CPXM2: variants seen among roughly 807,000 people sequenced by gnomAD.
The protein encoded by CPXM2 is inactive carboxypeptidase-like protein X2.
A neutral mutation model predicts 86.1 loss-of-function variants in CPXM2; 66 were observed. The observed-to-expected ratio is 0.77, with a 90% CI of 0.63 to 0.94. The LOEUF (loss-of-function observed/expected upper bound fraction) is 0.94, where lower values mean the gene tolerates loss of function less well. CPXM2 is among the 40% of genes least tolerant of loss of function. CPXM2 has a pLI of 0.00. For missense variants in CPXM2, 948 were observed against 1,026.3 expected (o/e 0.92, Z 1.04); for synonymous variants, 388 against 400.2 (o/e 0.97, Z 0.36).
intron 13 of CPXM2, chr10:123,750,213 G>C: frequency 1.0e-6 from 1 of 985,300 alleles, no homozygotes; most frequent in Non-Finnish European, 1.2e-6. Flanking sequence ...TCTAATTTTT[G>C]AGGAGAAATA....
intron 7 of CPXM2, among the ~76,000 whole-genome samples, chr10:123,775,658 C>T (rs889783435): frequency 2.0e-5 from 3 of 152,238 alleles, no homozygotes; most frequent in South Asian, 2.1e-4. Flanking sequence ...CACTTTCCCA[C>T]CGATGGCAAA....
intron 4 of CPXM2, among the ~76,000 whole-genome samples, chr10:123,805,740 G>C (rs1194588567): frequency 1.3e-5 from 2 of 151,216 alleles, no homozygotes; most frequent in African/African-American, 4.8e-5. Context: ...CCAATATTAA[G>C]ATTGGAAAAA....
intron 2 of CPXM2, among the ~76,000 whole-genome samples, chr10:123,936,358 G>A (rs1945720515): frequency 6.6e-6 from 1 of 152,212 alleles, no homozygotes; most frequent in Non-Finnish European, 1.5e-5. Context: ...AGGCAGATAA[G>A]TCAGGAGCTG....
rs553749901 is a variant in CPXM2 at position 123,857,922 on chromosome 10, T to C, written c.513+4692A>G. Among the ~76,000 whole-genome samples, 7 of 151,548 alleles carry C rather than the reference T, an allele frequency of 4.6e-5. No homozygotes were observed. The East Asian group carries it at 1.2e-3, about 26-fold the overall frequency. On this transcript the variant is annotated intron_variant, in intron 3 of 13. Coordinates refer to ENST00000241305, the MANE Select transcript of CPXM2 (RefSeq NM_198148.3). ...CACTCTGTGGTCAGGTGCTGATACTTGGTCCCACAGCCCATTCATAGACTT... is the reference window on the plus strand; with the variant it reads ...CACTCTGTGGTCAGGTGCTGATACTCGGTCCCACAGCCCATTCATAGACTT...
chr10:123,880,390 C>G (rs1945063580), intron 1 of CPXM2, 81 bp from the exon 2 acceptor site: 2 of 727,780 alleles, frequency 2.7e-6, no homozygotes, highest in Admixed American at 3.8e-5. Flanking sequence ...CTGTCCTCTC[C>G]TGCACAGCAG....
At chr10:123,892,457 C>T (rs150455705), upstream of CPXM2, among the ~76,000 whole-genome samples, 249 of 152,274 alleles carry the variant, frequency 1.6e-3, 2 homozygotes, top group African/African-American at 5.6e-3. Flanking sequence ...CCCAGAGGGT[C>T]CTTTGAGAAA....
At chr10:123,864,551 C>A (rs1333228836) in intron 2 of CPXM2, among the ~76,000 whole-genome samples, 1 of 152,192 alleles carries the variant, frequency 6.6e-6, no homozygotes, top group Non-Finnish European at 1.5e-5. Context: ...GTGTTGAAGG[C>A]CTTCCAACCA....
At chr10:123,858,468 A>G (rs541500845) in intron 3 of CPXM2, among the ~76,000 whole-genome samples, 3 of 152,366 alleles carry the variant, frequency 2.0e-5, no homozygotes, top group Non-Finnish European at 4.4e-5. Context: ...TTGGACCTAT[A>G]CCACTTCTAT....
chr10:123,833,042 G>C (rs765879210), intron 4 of CPXM2, among the ~76,000 whole-genome samples: 7 of 152,178 alleles, frequency 4.6e-5, no homozygotes, highest in Non-Finnish European at 8.8e-5. Context: ...CATGGAACCT[G>C]CCAGCACTTC....
rs540537510 is a variant in CPXM2, at chr10:123,909,925, G to A, written n.174+29552C>T. ...ATTTAGTCCCTCCATGCTGATGCAC[G>A]TGGAAACAAAGATGCCCTCGAGAGA... On this transcript the variant is annotated intron_variant and non_coding_transcript_variant, in intron 2 of 19. Transcript: ENST00000368854. Among the ~76,000 whole-genome samples the A allele has an allele frequency of 3.3e-5, 5 of 152,286 alleles. No individual in the cohort carries two copies. In the South Asian group the frequency reaches 8.3e-4, roughly 25 times the overall value.
intron 2 of CPXM2, among the ~76,000 whole-genome samples, chr10:123,907,432 G>A (rs571763364): frequency 2.0e-5 from 3 of 152,256 alleles, no homozygotes; most frequent in East Asian, 1.9e-4. Context: ...ACAGAGAAGC[G>A]GCATCGCTGG....
At chr10:123,875,390 C>A (rs1439716014) in intron 2 of CPXM2, among the ~76,000 whole-genome samples, 1 of 152,194 alleles carries the variant, frequency 6.6e-6, no homozygotes, top group African/African-American at 2.4e-5. Flanking sequence ...CCCTCACCTC[C>A]CCTGTCACTC....
At chr10:123,830,707 C>T (rs1369264770) in intron 4 of CPXM2, among the ~76,000 whole-genome samples, 1 of 152,086 alleles carries the variant, frequency 6.6e-6, no homozygotes, top group African/African-American at 2.4e-5. Flanking sequence ...CAAATTATAA[C>T]TTTGGGCAGG....
intron 11 of CPXM2, among the ~76,000 whole-genome samples, chr10:123,759,162 G>A (rs962319838): frequency 3.3e-5 from 5 of 152,114 alleles, no homozygotes; most frequent in South Asian, 4.1e-4. Context: ...CATGGGCCCC[G>A]GTCTCATTGA....
intron 6 of CPXM2, among the ~76,000 whole-genome samples, chr10:123,785,157 C>G (rs1326155495): frequency 6.6e-6 from 1 of 152,078 alleles, no homozygotes; most frequent in Non-Finnish European, 1.5e-5. Flanking sequence ...TTGCTTCATT[C>G]TTTCCTTGCT....
At chr10:123,837,406 T>C (rs927978930) in intron 4 of CPXM2, among the ~76,000 whole-genome samples, 1 of 152,236 alleles carries the variant, frequency 6.6e-6, no homozygotes, top group Non-Finnish European at 1.5e-5. Flanking sequence ...CTTCAAGATA[T>C]ACAGAGAATC....
chr10:123,890,333 G>C (rs910403623), intron 1 of CPXM2, among the ~76,000 whole-genome samples: 5 of 152,208 alleles, frequency 3.3e-5, no homozygotes, highest in Non-Finnish European at 5.9e-5. Context: ...TCTGCAAAGG[G>C]GGGTGCTCAT....
At chr10:123,822,382 A>C (rs1262481875) in intron 4 of CPXM2, among the ~76,000 whole-genome samples, 1 of 152,196 alleles carries the variant, frequency 6.6e-6, no homozygotes, top group Non-Finnish European at 1.5e-5. Context: ...ACTGGGGTAC[A>C]GTGAATCCCA....
chr10:123,891,399 T>G lies in CPXM2; in HGVS notation c.261A>C (p.Lys87Asn). The part of the protein sequence containing the change: ...RPPKRATKPK[K>N]APKREKSAPE... Reference sequence around the variant, plus strand: ...GAGCCGACTTCTCCCTCTTGGGAGCTTTCTTGGGCTTGGTGGCCCTCTTGG... The same window carrying G: ...GAGCCGACTTCTCCCTCTTGGGAGCGTTCTTGGGCTTGGTGGCCCTCTTGG... The change falls in exon 1 of 14, where the codon AAA (lysine) becomes AAC (asparagine). Residue 87 changes from lysine to asparagine, a missense_variant. By Grantham distance (94) the Lys-to-Asn change is moderately conservative (BLOSUM62 0). Coordinates refer to ENST00000241305, the MANE Select transcript of CPXM2 (RefSeq NM_198148.3). The surrounding 1 kb of genome is among the most constrained non-coding windows in gnomAD (Gnocchi z 5.6). 6.4e-7 allele frequency: 1 copy of G among 1,567,244 alleles called. No homozygotes were observed. The highest frequency in any genetic ancestry group is 2.4e-5 in the East Asian group (1 of 41,844).
Sources: allele counts gnomAD v4.1 joint callset (sites outside exome capture counted in the v4.1 genomes callset), GRCh38; gene constraint gnomAD v4.1.1; non-coding constraint Gnocchi (gnomAD v3.1); transcripts MANE v1.5; gene names NCBI Gene and HGNC (gene_info 2026-07-23, HGNC 2026-07-21).